Variants in WNT7B observed in about 807,000 individuals in gnomAD.
The protein encoded by WNT7B is protein Wnt-7b.
WNT7B carries 19 observed loss-of-function variants against 38.2 expected under a neutral mutation model. The ratio of observed to expected loss-of-function variants is 0.50; its 90% CI spans 0.35 to 0.73. WNT7B has a LOEUF of 0.73. Ranked by LOEUF, WNT7B falls within the 30% of genes least tolerant of loss-of-function variation. The probability of loss-of-function intolerance (pLI) is 0.01; values close to 1 mark genes in which losing one functional copy is unlikely to be tolerated. For synonymous variants in WNT7B, 243 were observed against 209.3 expected, an observed-to-expected ratio of 1.16 and a Z score of -1.39; for missense variants, 423 against 507.9, an observed-to-expected ratio of 0.83 and a Z score of 1.61.
chr22:45,923,406 G>A, intron 3 of WNT7B, 71 bp from the exon 4 acceptor site: 2 of 1,524,298 alleles, frequency 1.3e-6, no homozygotes, highest in East Asian at 2.3e-5. Context: ...CCCTACCCCT[G>A]CCTCTAGCCC....
chr22:45,922,903 T>G lies in WNT7B; in HGVS notation c.1003A>C (p.Lys335Gln). 1 of 1,611,252 alleles carries G rather than the reference T, an allele frequency of 6.2e-7. No homozygotes were observed. The highest frequency in any genetic ancestry group is 2.2e-5 in the East Asian group (1 of 44,764). The part of the protein sequence containing the change: ...NCKFHWCCFV[K>Q]CNTCSERTEV... ...GTGCGCTCGCTGCAGGTGTTGCACT[T>G]GACGAAGCAGCACCAGTGGAATTTG... The change falls in exon 4 of 4, where the codon AAG (lysine) becomes CAG (glutamine). Residue 335 changes from lysine (K) to glutamine (Q), a missense_variant. By Grantham distance (53) the Lys-to-Gln change is moderately conservative. Transcript: ENST00000339464.
chr22:45,977,075 C>G lies in WNT7B; in HGVS notation c.-321G>C, dbSNP rs1932569040. On this transcript the variant is annotated 5_prime_UTR_variant, in exon 1 of 4. Coordinates refer to ENST00000339464, the MANE Select transcript of WNT7B (RefSeq NM_058238.3). ...GGCTGGCGGGCGGGTGCAGCCTGCA[C>G]TAGGCGCAGCCGCCTGAGGCCGTGA... 1.0e-6 allele frequency: 1 copy of G among 952,844 alleles called. No individual in the cohort carries two copies. The highest frequency in any genetic ancestry group is 1.2e-6 in the Non-Finnish European group (1 of 800,666). The allele number at this position is 952,844 out of a possible 1,614,324, so 59.0% of individuals were successfully genotyped here.
intron 3 of WNT7B, chr22:45,927,337 T>C: frequency 6.8e-7 from 1 of 1,460,660 alleles, no homozygotes; most frequent in Non-Finnish European, 9.0e-7. Context: ...AGCCAGGGCC[T>C]TGGTCTGGTA....
intron 2 of WNT7B, among the ~76,000 whole-genome samples, chr22:45,944,688 G>A (rs956676618): frequency 6.6e-6 from 1 of 152,164 alleles, no homozygotes; most frequent in Admixed American, 6.5e-5. Context: ...ATTGCCTCCC[G>A]GCCTGGCCCC....
At chr22:45,929,789 G>T (rs1011463347) in intron 3 of WNT7B, among the ~76,000 whole-genome samples, 14 of 102,894 alleles carry the variant, frequency 1.4e-4, no homozygotes, top group African/African-American at 4.3e-4. Flanking sequence ...TCCACCCACC[G>T]ATCCACTCAA....
chr22:45,967,610 G>A (rs1055244259), intron 1 of WNT7B, among the ~76,000 whole-genome samples: 9 of 151,752 alleles, frequency 5.9e-5, no homozygotes, highest in African/African-American at 1.7e-4. Flanking sequence ...AGGGTCCTCC[G>A]AGAACAGAGC....
intron 1 of WNT7B, among the ~76,000 whole-genome samples, chr22:45,967,236 C>G (rs1169331187): frequency 6.6e-6 from 1 of 152,236 alleles, no homozygotes; most frequent in Non-Finnish European, 1.5e-5. Context: ...TTTCATCAGG[C>G]TGAAGGAGCC....
At chr22:45,947,445 G>T (rs1044102797) in intron 2 of WNT7B, among the ~76,000 whole-genome samples, 1 of 152,228 alleles carries the variant, frequency 6.6e-6, no homozygotes, top group Non-Finnish European at 1.5e-5. Context: ...GGTTTCTGCT[G>T]AGACAACTGG....
chr22:45,931,100 T>G lies in WNT7B; in HGVS notation c.568A>C (p.Lys190Gln). 6.4e-7 allele frequency: 1 copy of G among 1,573,576 alleles called. No homozygotes were observed. The change falls in exon 3 of 4, where the codon AAG becomes CAG. Residue 190 changes from lysine (K) to glutamine (Q), a missense_variant and splice_region_variant. By Grantham distance (53) the Lys-to-Gln change is moderately conservative. Coordinates refer to ENST00000339464, the MANE Select transcript of WNT7B (RefSeq NM_058238.3). ...CACCAGCCGCACCCGCACCCTACCT[T>G]CCTGCCGGCCTCATTGTTATGCAGG... is the stretch of plus-strand genomic sequence containing the variant. ...MNLHNNEAGR[K>Q]VLEDRMQLEC...
At chr22:45,933,646 G>A (rs887616243) in intron 2 of WNT7B, among the ~76,000 whole-genome samples, 3 of 152,148 alleles carry the variant, frequency 2.0e-5, no homozygotes, top group Non-Finnish European at 4.4e-5. Context: ...CACCTCAAAG[G>A]ATTCACTGAC....
chr22:45,931,404 C>T, intron 2 of WNT7B, 35 bp from the exon 3 acceptor site: 1 of 1,546,280 alleles, frequency 6.5e-7, no homozygotes, highest in South Asian at 1.2e-5. Context: ...GGTGAGACCC[C>T]AGGCCCTGGG....
At chr22:45,959,661 C>A (rs377648147) in intron 1 of WNT7B, among the ~76,000 whole-genome samples, 2 of 152,142 alleles carry the variant, frequency 1.3e-5, no homozygotes, top group African/African-American at 4.8e-5. Context: ...GCAAATGACC[C>A]CACAGCAGCA....
chr22:45,931,169 C>T lies in WNT7B; in HGVS notation c.499G>A (p.Val167Met). Reference sequence around the variant, plus strand: ...TTCTTCTTGATCTCCCGAGCGTCCACGAAGCGCCGGGAGAAGTCGATGCCG... The same window carrying T: ...TTCTTCTTGATCTCCCGAGCGTCCATGAAGCGCCGGGAGAAGTCGATGCCG... ...RYGIDFSRRF[V>M]DAREIKKNAR... Residue 167 changes from valine (V) to methionine (M), a missense_variant, in exon 3 of 4, where the codon GTG becomes ATG. Coordinates refer to ENST00000339464, the MANE Select transcript of WNT7B (RefSeq NM_058238.3). 1.3e-6 allele frequency: 2 copies of T among 1,599,498 alleles called. No homozygotes were observed. The highest frequency in any genetic ancestry group is 1.7e-6 in the Non-Finnish European group (2 of 1,179,484).
chr22:45,940,456 C>A (rs1238597176), intron 2 of WNT7B, among the ~76,000 whole-genome samples: 4 of 152,188 alleles, frequency 2.6e-5, no homozygotes, highest in Non-Finnish European at 5.9e-5. Flanking sequence ...TCTTGACACT[C>A]TACACACGCG....
intron 3 of WNT7B, among the ~76,000 whole-genome samples, chr22:45,928,193 C>T (rs57907706): frequency 0.11 from 16,729 of 152,174 alleles, 1,008 homozygotes; most frequent in African/African-American, 0.14. Flanking sequence ...CACTGTGCAG[C>T]GGGGTCCTGA....
intron 1 of WNT7B, among the ~76,000 whole-genome samples, chr22:45,956,472 C>G (rs1228808275): frequency 1.3e-5 from 2 of 152,200 alleles, no homozygotes; most frequent in African/African-American, 2.4e-5. Flanking sequence ...AGCCCGAGAC[C>G]AGCAATTGTG....
chr22:45,926,500 C>A (rs1931086689), intron 3 of WNT7B: 2 of 985,410 alleles, frequency 2.0e-6, no homozygotes, highest in African/African-American at 3.5e-5. Context: ...TACAGCCAGG[C>A]AGGGGAGTCA....
At position 45,976,935 on chromosome 22, in the gene WNT7B, C is replaced by T. The variant is rs957315222; in HGVS notation, c.-181G>A. ...TGCCACCATGGTGAGCCCGGGATGC[C>T]GCCGCCGCCACCGCCGCGTGAGCCC... is the stretch of plus-strand genomic sequence containing the variant. On this transcript the variant is annotated 5_prime_UTR_variant, in exon 1 of 4. Transcript: ENST00000339464. The surrounding 1 kb of genome is among the most constrained non-coding windows in gnomAD (Gnocchi z 8.5). The T allele has an allele frequency of 1.0e-6, 1 of 989,628 alleles. No homozygotes were observed. 61.3% of individuals were successfully genotyped at this position (989,628 alleles called of 1,614,324 possible).
At chr22:45,945,022 G>T (rs1026730200) in intron 2 of WNT7B, among the ~76,000 whole-genome samples, 1 of 152,226 alleles carries the variant, frequency 6.6e-6, no homozygotes, top group East Asian at 1.9e-4. Flanking sequence ...CAGGTGAGCC[G>T]CAGGTGTCCG....
Sources: allele counts gnomAD v4.1 joint callset (sites outside exome capture counted in the v4.1 genomes callset), GRCh38; gene constraint gnomAD v4.1.1; non-coding constraint Gnocchi (gnomAD v3.1); transcripts MANE v1.5; gene names NCBI Gene and HGNC (gene_info 2026-07-23, HGNC 2026-07-21).